Variants in MATN4 observed in about 807,000 individuals in gnomAD.
The protein encoded by MATN4 is matrilin 4.
In MATN4, 40 loss-of-function variants were observed where a neutral mutation model predicts 54.6. The observed-to-expected ratio is 0.73, with a 90% CI of 0.57 to 0.95. MATN4 has a LOEUF of 0.95. MATN4 is among the 40% of genes least tolerant of loss of function. The pLI is 0.00. For synonymous variants in MATN4, 351 were observed against 345.3 expected, an observed-to-expected ratio of 1.02 and a Z score of -0.18; for missense variants, 810 against 819.1, an observed-to-expected ratio of 0.99 and a Z score of 0.13.
Position 45,304,586 on chromosome 20 carries a change from C to T in MATN4, c.285G>A (p.Glu95=). The T allele has an allele frequency of 6.3e-7, 1 of 1,598,930 alleles. No individual in the cohort carries two copies. Among genetic ancestry groups the T allele is most frequent in the Non-Finnish European group, 8.6e-7 (1 of 1,168,104 alleles). ...VFPLRAFSRR[E]DMERAIRDLV... is the part of the protein sequence containing the mutation. ...GGTCGCGGATGGCGCGCTCCATGTC[C>T]TCGCGGCGAGAGAACGCGCGGAGAG... Residue 95 remains glutamate (E), a synonymous_variant, in exon 3 of 10, where the codon GAG becomes GAA. Coordinates refer to ENST00000372756, the MANE Select transcript of MATN4 (RefSeq NM_001393530.1).
chr20:45,297,097 G>A (rs547193934), intron 8 of MATN4, among the ~76,000 whole-genome samples: 1 of 151,766 alleles, frequency 6.6e-6, no homozygotes, highest in South Asian at 2.1e-4. Context: ...CTCCCAGAGT[G>A]CTGGGATTAC....
rs1986472765 is a variant in MATN4 at position 45,304,739 on chromosome 20, G to A, written c.132C>T (p.Ser44=). The A allele has an allele frequency of 1.9e-6, 3 of 1,604,082 alleles. No homozygotes were observed. Among genetic ancestry groups the A allele is most frequent in the South Asian group, 1.1e-5 (1 of 90,698 alleles). ...TGGTCTCGAACTCGAAAGGGCGCACGCTGCGGGAGCTGTCAATCACGAACA... is the reference window on the plus strand; with the variant it reads ...TGGTCTCGAACTCGAAAGGGCGCACACTGCGGGAGCTGTCAATCACGAACA... ...DLVFVIDSSR[S]VRPFEFETMR... The change falls in exon 3 of 10, where the codon AGC becomes AGT. Residue 44 remains serine, a synonymous_variant. Coordinates refer to ENST00000372756, the MANE Select transcript of MATN4 (RefSeq NM_001393530.1).
intron 1 of MATN4, chr20:45,306,776 C>G: frequency 3.5e-6 from 2 of 577,244 alleles, no homozygotes; most frequent in Non-Finnish European, 5.3e-6. Flanking sequence ...AACAGGGGGC[C>G]GGGGCCCGGG....
chr20:45,308,024 G>A (rs892697342), intron 1 of MATN4, 151 bp downstream of exon 1: 21 of 656,702 alleles, frequency 3.2e-5, no homozygotes, highest in East Asian at 1.3e-4. Flanking sequence ...GTGGGGGCTC[G>A]ATTTGGAAAG....
In MATN4 at chr20:45,298,520, T is replaced by A. The variant is rs768706290; in HGVS notation, c.1076A>T (p.Gln359Leu). ...LVDGSKSVRPQNFELVKRFVN... is the reference protein window; with the variant it reads ...LVDGSKSVRPLNFELVKRFVN... ...GAAGCGCTTCACTAGCTCGAAGTTT[T>A]GTGGACGCACGCTCTTGGAGCCATC... The change falls in exon 7 of 10, where the codon CAA becomes CTA. Residue 359 changes from glutamine to leucine, a missense_variant. Transcript: ENST00000372756. The surrounding 1 kb of genome is among the most constrained non-coding windows in gnomAD (Gnocchi z 4.6). 1.1e-5 allele frequency: 18 copies of A among 1,611,098 alleles called. No homozygotes were observed. The highest frequency in any genetic ancestry group is 1.2e-5 in the Non-Finnish European group (14 of 1,178,248).
At chr20:45,307,011 C>G in intron 1 of MATN4, 2 of 976,674 alleles carry the variant, frequency 2.0e-6, no homozygotes, top group Non-Finnish European at 2.7e-6. Context: ...ACCCCCCCAC[C>G]CCCTCCCCAC....
At position 45,293,805 on chromosome 20, in the gene MATN4, G is replaced by C; in HGVS notation, c.1708C>G (p.Leu570Val). Residue 570 changes from leucine to valine, a missense_variant, in exon 10 of 10, where the codon CTG (leucine) becomes GTG (valine). By Grantham distance (32) the Leu-to-Val change is conservative. Transcript: ENST00000372756. ...GCCAGCTGGTTCTCCAGATCCTCCA[G>C]GCGCGCCGTCAGCTGGGCCAGTGAG... ...TLNLAQLTAR[L>V]EDLENQLANQ... 6.2e-7 allele frequency: 1 copy of C among 1,611,286 alleles called. No individual in the cohort carries two copies. Among genetic ancestry groups the C allele is most frequent in the Non-Finnish European group, 8.5e-7 (1 of 1,179,938 alleles).
Position 45,297,959 on chromosome 20 carries a change from A to G in MATN4, c.1538T>C (p.Met513Thr). Reference sequence around the variant, plus strand: ...TCTGAGGTTCTCCAGCAGGTGCGTCATGGTGCCGAAGTCCGGGGCATAGGA... The same window carrying G: ...TCTGAGGTTCTCCAGCAGGTGCGTCGTGGTGCCGAAGTCCGGGGCATAGGA... ...HVSYAPDFGT[M>T]THLLENLRGS... Residue 513 changes from methionine (M) to threonine (T), a missense_variant, in exon 8 of 10, where the codon ATG becomes ACG. Physicochemically the swap from Met to Thr is moderately conservative, Grantham distance 81 (BLOSUM62 -1). Coordinates refer to ENST00000372756, the MANE Select transcript of MATN4 (RefSeq NM_001393530.1). The G allele has an allele frequency of 6.2e-7, 1 of 1,614,196 alleles. No individual in the cohort carries two copies. Among genetic ancestry groups the G allele is most frequent in the African/African-American group, 1.3e-5 (1 of 75,062 alleles).
rs761461093 is a variant in MATN4 at position 45,304,482 on chromosome 20, C to T, written c.389G>A (p.Gly130Asp). The stretch of plus-strand genomic sequence containing the variant: ...CACGCGCTCCTCTGGCGGTCGCGCG[C>T]CCTCGGCCACACTGAAGGCCACGTT... Reference protein sequence around the residue: ...AMNVAFSVAEGARPPEERVPR... With the variant: ...AMNVAFSVAEDARPPEERVPR... Residue 130 changes from glycine (G) to aspartate (D), a missense_variant, in exon 3 of 10, where the codon GGC becomes GAC. Coordinates refer to ENST00000372756, the MANE Select transcript of MATN4 (RefSeq NM_001393530.1). 1 of 1,575,364 alleles carries T rather than the reference C, an allele frequency of 6.3e-7. No individual in the cohort carries two copies. Among genetic ancestry groups the T allele is most frequent in the Non-Finnish European group, 8.7e-7 (1 of 1,152,664 alleles).
intron 8 of MATN4, among the ~76,000 whole-genome samples, chr20:45,295,490 T>A (rs188732846): frequency 6.6e-6 from 1 of 152,220 alleles, no homozygotes; most frequent in East Asian, 1.9e-4. Flanking sequence ...TGGGTTCAAG[T>A]GATTCTCCTG....
chr20:45,305,321 G>A (rs914403577), intron 2 of MATN4, among the ~76,000 whole-genome samples, 189 bp downstream of exon 2: 2 of 152,106 alleles, frequency 1.3e-5, no homozygotes, highest in East Asian at 1.9e-4. Context: ...TTCTGCATGC[G>A]CCCAAAACTA....
chr20:45,293,870 C>T (rs1366153809), intron 9 of MATN4, 38 bp downstream of exon 9: 4 of 1,608,226 alleles, frequency 2.5e-6, no homozygotes, highest in Non-Finnish European at 3.4e-6. Flanking sequence ...GGTCCCTTCA[C>T]TTTCCCTCCA....
intron 8 of MATN4, among the ~76,000 whole-genome samples, chr20:45,296,261 GAA>G (rs11474853): frequency 2.0e-4 from 24 of 118,808 alleles, no homozygotes; most frequent in African/African-American, 7.0e-4. Context: ...GAATGACATA[GAA>G]AAAAAAAATG....
chr20:45,304,411 C>T lies in MATN4; in HGVS notation c.460G>A (p.Val154Met). The T allele has an allele frequency of 6.6e-7, 1 of 1,508,560 alleles. No homozygotes were observed. Among genetic ancestry groups the T allele is most frequent in the Non-Finnish European group, 8.9e-7 (1 of 1,128,464 alleles). The allele number at this position is 1,508,560 out of a possible 1,614,324, so 93.4% of individuals were successfully genotyped here. A position where few individuals can be genotyped will look rare whatever the true frequency, so the allele number is the denominator to read the frequency against. The change falls in exon 3 of 10, where the codon GTG (valine) becomes ATG (methionine). Residue 154 changes from valine to methionine, a missense_variant. Physicochemically the swap from Val to Met is conservative, Grantham distance 21. Transcript: ENST00000372756. The stretch of plus-strand genomic sequence containing the variant: ...CGCGCCTGTGCCGCCACCTCGGCCA[C>T]GCGGTCCTGGGGCCGCCCGTCTGTC... ...IVTDGRPQDR[V>M]AEVAAQARAR...
At chr20:45,306,682 C>G (rs922085734) in intron 1 of MATN4, among the ~76,000 whole-genome samples, 4 of 152,290 alleles carry the variant, frequency 2.6e-5, no homozygotes, top group African/African-American at 4.8e-5. Context: ...CGCCTGCTCT[C>G]AGGAGCGACC....
chr20:45,300,820 T>G (rs1986173219), intron 6 of MATN4, 67 bp downstream of exon 6: 5 of 1,592,462 alleles, frequency 3.1e-6, no homozygotes, highest in East Asian at 2.2e-5. Context: ...AATGGCAAAG[T>G]CAAGGACACT....
intron 3 of MATN4, chr20:45,303,552 G>A (rs1262945617): frequency 2.9e-6 from 2 of 678,178 alleles, no homozygotes; most frequent in Admixed American, 2.0e-5. Flanking sequence ...GAACAGATGG[G>A]CAGAAGCCTC....
At position 45,301,397 on chromosome 20, in the gene MATN4, GCA is replaced by G. The variant is rs780998134; in HGVS notation, c.688_689del (p.Cys230ArgfsTer28). 81 of 1,613,988 alleles carry G rather than the reference GCA, an allele frequency of 5.0e-5. No individual in the cohort carries two copies. Among genetic ancestry groups the G allele is most frequent in the Non-Finnish European group, 6.9e-5 (81 of 1,180,022 alleles). On this transcript the variant is annotated frameshift_variant, in exon 4 of 10. Coordinates refer to ENST00000372756, the MANE Select transcript of MATN4 (RefSeq NM_001393530.1). LOFTEE classifies it high-confidence loss of function. ...AGAAATAGGAGCCTGGGGAATTGAC[GCA>G]GTGGTGCTCACATCCATGGGTCCCT... ...AEGTHGCEHH[C>X]VNSPGSYFCH...
Position 45,304,445 on chromosome 20 carries a change from A to AG in MATN4, c.425dup (p.Val143CysfsTer25). The stretch of plus-strand genomic sequence containing the variant: ...GGGGCCGCCCGTCTGTCACGATGAC[A>AG]GCGACACGCGGCACGCGCTCCTCTG... On this transcript the variant is annotated frameshift_variant, in exon 3 of 10. Coordinates refer to ENST00000372756, the MANE Select transcript of MATN4 (RefSeq NM_001393530.1). LOFTEE classifies it high-confidence loss of function. 1.9e-6 allele frequency: 3 copies of AG among 1,554,170 alleles called. No individual in the cohort carries two copies. The highest frequency in any genetic ancestry group is 1.7e-6 in the Non-Finnish European group (2 of 1,144,044).
Sources: allele counts gnomAD v4.1 joint callset (sites outside exome capture counted in the v4.1 genomes callset), GRCh38; gene constraint gnomAD v4.1.1; non-coding constraint Gnocchi (gnomAD v3.1); transcripts MANE v1.5; gene names NCBI Gene and HGNC (gene_info 2026-07-23, HGNC 2026-07-21).